The following MAGI2 variants were observed in gnomAD, a reference collection of about 807,000 sequenced individuals.
The protein encoded by MAGI2 is membrane associated guanylate kinase, WW and PDZ domain containing 2.
Under a neutral mutation model 133.3 loss-of-function variants are expected in MAGI2, and 35 were observed. That is an observed-to-expected ratio of 0.26 (90% confidence interval 0.20 to 0.35). The LOEUF (loss-of-function observed/expected upper bound fraction) is 0.35. MAGI2 is among the 10% of genes least tolerant of loss of function. The pLI, the probability that MAGI2 is intolerant of heterozygous loss-of-function variation, is 1.00. For synonymous variants in MAGI2, 729 were observed against 710.6 expected, an observed-to-expected ratio of 1.03 and a Z score of -0.41; for missense variants, 1,636 against 1,863.4, an observed-to-expected ratio of 0.88 and a Z score of 2.25.
chr7:78,392,060 A>T lies in MAGI2; in HGVS notation c.1046-22847T>A, dbSNP rs1795940104. Among the ~76,000 whole-genome samples, 3 of 152,288 alleles carry T rather than the reference A, an allele frequency of 2.0e-5. No individual in the cohort carries two copies. In the South Asian group the frequency reaches 6.2e-4, roughly 32 times the overall value. ...GACACATCGTTTCGACTCTGCATTT[A>T]ACATGCTAAATAAGACAGAAGGGAT... On this transcript the variant is annotated intron_variant, in intron 6 of 21. Coordinates refer to ENST00000354212, the MANE Select transcript of MAGI2 (RefSeq NM_012301.4).
chr7:79,285,599 C>A (rs750228928), intron 1 of MAGI2, among the ~76,000 whole-genome samples: 5 of 152,094 alleles, frequency 3.3e-5, no homozygotes, highest in Non-Finnish European at 7.4e-5. Flanking sequence ...TCAAATGCAG[C>A]ACCTCCCTAA....
At chr7:79,079,694 A>G (rs1815863498) in intron 1 of MAGI2, among the ~76,000 whole-genome samples, 3 of 152,164 alleles carry the variant, frequency 2.0e-5, no homozygotes, top group South Asian at 4.1e-4. Flanking sequence ...TAGAATTCTC[A>G]TAGATTCAAA....
chr7:78,130,024 T>A (rs549097076), intron 18 of MAGI2, among the ~76,000 whole-genome samples: 1 of 151,374 alleles, frequency 6.6e-6, no homozygotes, highest in African/African-American at 2.4e-5. Context: ...TTTCCAATGC[T>A]CTTTCACTGA....
intron 1 of MAGI2, among the ~76,000 whole-genome samples, chr7:79,346,894 T>G (rs1841358550): frequency 6.6e-6 from 1 of 152,062 alleles, no homozygotes; most frequent in Non-Finnish European, 1.5e-5. Flanking sequence ...TATTGCTCAT[T>G]GAATTCACAT....
chr7:78,868,547 T>C (rs1355969914), intron 2 of MAGI2, among the ~76,000 whole-genome samples: 1 of 152,168 alleles, frequency 6.6e-6, no homozygotes, highest in Middle Eastern at 3.2e-3. Context: ...GATGAGAGTA[T>C]CTAATATAAA....
chr7:78,963,718 C>CT (rs907929102), intron 2 of MAGI2, among the ~76,000 whole-genome samples: 10 of 151,578 alleles, frequency 6.6e-5, no homozygotes, highest in East Asian at 1.9e-4. Flanking sequence ...ATATATTCTC[C>CT]TTTTTTTTCC....
At chr7:79,211,706 T>A (rs1458793485) in intron 1 of MAGI2, among the ~76,000 whole-genome samples, 1 of 151,996 alleles carries the variant, frequency 6.6e-6, no homozygotes, top group Non-Finnish European at 1.5e-5. Context: ...TTAGAATGCT[T>A]TAAAATAACA....
chr7:78,061,304 C>T (rs946010438), intron 21 of MAGI2, among the ~76,000 whole-genome samples: 1 of 151,148 alleles, frequency 6.6e-6, no homozygotes, highest in East Asian at 1.9e-4. Flanking sequence ...TAAAGGCTGT[C>T]TAATCCGGGG....
chr7:78,899,105 A>G (rs1460910103), intron 2 of MAGI2, among the ~76,000 whole-genome samples: 1 of 151,990 alleles, frequency 6.6e-6, no homozygotes, highest in Non-Finnish European at 1.5e-5. Context: ...GTGATACTTA[A>G]CCAACAAGAA....
chr7:79,237,561 A>G (rs1442598664), intron 1 of MAGI2, among the ~76,000 whole-genome samples: 1 of 152,206 alleles, frequency 6.6e-6, no homozygotes, highest in Non-Finnish European at 1.5e-5. Flanking sequence ...GAGAGATACC[A>G]TGAGCACTTT....
chr7:78,947,832 T>G (rs1801545872), intron 2 of MAGI2, among the ~76,000 whole-genome samples: 1 of 152,128 alleles, frequency 6.6e-6, no homozygotes, highest in African/African-American at 2.4e-5. Context: ...TTAGGTCAAC[T>G]TGCTGACCAG....
intron 2 of MAGI2, among the ~76,000 whole-genome samples, chr7:78,995,014 G>A (rs1460595608): frequency 2.0e-5 from 3 of 152,042 alleles, no homozygotes; most frequent in Non-Finnish European, 4.4e-5. Context: ...GTCTAGTAGA[G>A]CTGACATCAA....
intron 2 of MAGI2, among the ~76,000 whole-genome samples, chr7:78,725,886 T>C (rs979897230): frequency 6.6e-6 from 1 of 152,210 alleles, no homozygotes; most frequent in Admixed American, 6.5e-5. Context: ...CCAGCTCTTT[T>C]ATTAGTTGTA....
intron 2 of MAGI2, among the ~76,000 whole-genome samples, chr7:78,878,137 C>T (rs1447240602): frequency 6.6e-6 from 1 of 152,150 alleles, no homozygotes; most frequent in Non-Finnish European, 1.5e-5. Context: ...GACCTTACCA[C>T]ATTACATCTG....
At chr7:78,687,711 G>A (rs918329423) in intron 2 of MAGI2, among the ~76,000 whole-genome samples, 1 of 152,112 alleles carries the variant, frequency 6.6e-6, no homozygotes, top group Non-Finnish European at 1.5e-5. Context: ...GCTCACGCCT[G>A]TAATCCCAGC....
chr7:78,866,236 A>G (rs142779421), intron 2 of MAGI2, among the ~76,000 whole-genome samples: 215 of 152,250 alleles, frequency 1.4e-3, no homozygotes, highest in African/African-American at 4.7e-3. Context: ...GAGTTGATTG[A>G]TATACCATTG....
intron 1 of MAGI2, among the ~76,000 whole-genome samples, chr7:79,162,269 C>T (rs968755238): frequency 6.6e-6 from 1 of 152,052 alleles, no homozygotes; most frequent in Non-Finnish European, 1.5e-5. Flanking sequence ...ACACAAATTA[C>T]TCTTAAAATT....
chr7:78,353,004 G>A (rs1266205739), intron 7 of MAGI2: 1 of 152,066 alleles, frequency 6.6e-6, no homozygotes, highest in Non-Finnish European at 1.5e-5. Flanking sequence ...AAAATTCAGA[G>A]CCACTAGGCA....
intron 1 of MAGI2, among the ~76,000 whole-genome samples, chr7:79,437,385 G>GAAAT (rs1201159304): frequency 1.3e-5 from 2 of 151,866 alleles, no homozygotes; most frequent in African/African-American, 4.8e-5. Context: ...TTAAAAAATT[G>GAAAT]AAATTGTATA....
Sources: gnomAD v4.1 joint callset for allele counts (sites outside exome capture counted in the v4.1 genomes callset) on GRCh38, gnomAD v4.1.1 for gene constraint, MANE v1.5 for transcripts, NCBI Gene and HGNC (gene_info 2026-07-23, HGNC 2026-07-21) for gene names.